Variants in MCF2L2 observed in about 807,000 individuals in gnomAD.
MCF2L2 encodes probable guanine nucleotide exchange factor MCF2L2.
MCF2L2 carries 102 observed loss-of-function variants against 150.2 expected under a neutral mutation model. That is an observed-to-expected ratio of 0.68 (90% CI 0.58 to 0.80). The LOEUF (loss-of-function observed/expected upper bound fraction) is 0.80, where lower values mean the gene tolerates loss of function less well. Among genes scored for constraint, MCF2L2 ranks in the 30% least tolerant of loss-of-function variants. The pLI is 0.00. For synonymous variants in MCF2L2, 465 were observed against 491.3 expected, an observed-to-expected ratio of 0.95 and a Z score of 0.71; for missense variants, 1,256 against 1,372.8, an observed-to-expected ratio of 0.91 and a Z score of 1.34.
At chr3:183,402,451 C>CAAAAA (rs779201489) in intron 1 of MCF2L2, among the ~76,000 whole-genome samples, 26 of 54,718 alleles carry the variant, frequency 4.8e-4, no homozygotes, top group Non-Finnish European at 8.1e-4. Context: ...GAGACTCCAT[C>CAAAAA]AAAAAAAAAA....
intron 22 of MCF2L2, among the ~76,000 whole-genome samples, chr3:183,209,238 G>A (rs899009209): frequency 2.0e-5 from 3 of 152,062 alleles, no homozygotes; most frequent in South Asian, 4.1e-4. Flanking sequence ...AATCAATATC[G>A]ACATAAATAG....
At chr3:183,387,750 T>C (rs1329239277) in intron 2 of MCF2L2, among the ~76,000 whole-genome samples, 4 of 151,852 alleles carry the variant, frequency 2.6e-5, no homozygotes, top group African/African-American at 4.8e-5. Flanking sequence ...CTGGCCAACA[T>C]GGTGAAAGCC....
intron 22 of MCF2L2, among the ~76,000 whole-genome samples, chr3:183,208,235 C>G (rs889310241): frequency 6.6e-6 from 1 of 152,200 alleles, no homozygotes; most frequent in African/African-American, 2.4e-5. Flanking sequence ...ATTTTGGCTG[C>G]ATTGCGGACC....
At chr3:183,265,584 C>G (rs1203741782) in intron 15 of MCF2L2, 2 of 152,266 alleles carry the variant, frequency 1.3e-5, no homozygotes, top group African/African-American at 4.8e-5. Context: ...TGTAATTGAT[C>G]AATTTAGATC....
At chr3:183,184,396 G>T (rs746923620) in intron 27 of MCF2L2, among the ~76,000 whole-genome samples, 27 of 152,192 alleles carry the variant, frequency 1.8e-4, no homozygotes, top group Admixed American at 7.2e-4. Flanking sequence ...AGATCTAGTG[G>T]TGTGTTGGAG....
chr3:183,409,355 C>T (rs1362662387), intron 1 of MCF2L2, among the ~76,000 whole-genome samples: 1 of 152,138 alleles, frequency 6.6e-6, no homozygotes. Context: ...GCCTCAAAGC[C>T]AGCCAGACCT....
At chr3:183,312,007 C>T (rs1024457584) in intron 7 of MCF2L2, among the ~76,000 whole-genome samples, 1 of 152,144 alleles carries the variant, frequency 6.6e-6, no homozygotes, top group Non-Finnish European at 1.5e-5. Context: ...TTTTCCTCTT[C>T]AAAATCAACA....
intron 11 of MCF2L2, chr3:183,298,726 C>T (rs1373896554): frequency 6.6e-6 from 1 of 150,918 alleles, no homozygotes; most frequent in Non-Finnish European, 1.5e-5. Context: ...CTTGCTTTCT[C>T]TCTCTCTCTG....
In MCF2L2 at chr3:183,261,292, C is replaced by G. The variant is rs1198174874; in HGVS notation, c.1862+15580G>C. Among the ~76,000 whole-genome samples, 4 of 152,058 alleles carry G rather than the reference C, an allele frequency of 2.6e-5. No individual in the cohort carries two copies. In the East Asian group the frequency reaches 7.7e-4, roughly 29 times the overall value. The stretch of plus-strand genomic sequence containing the variant: ...GGCAGTTTGGCTTCTGAAGATTGGT[C>G]CTAGCTATACTTAACAGGAAACAGA... On this transcript the variant is annotated intron_variant, in intron 15 of 29. Transcript: ENST00000328913.
chr3:183,180,589 A>G (rs1721486240), intron 27 of MCF2L2, among the ~76,000 whole-genome samples: 1 of 152,106 alleles, frequency 6.6e-6, no homozygotes, highest in African/African-American at 2.4e-5. Context: ...GCTCCCCATA[A>G]GGGAAAATCA....
chr3:183,185,973 G>A (rs1204530630), intron 27 of MCF2L2, among the ~76,000 whole-genome samples: 6 of 151,918 alleles, frequency 3.9e-5, no homozygotes, highest in Non-Finnish European at 7.4e-5. Context: ...TGAGCTGGCT[G>A]TCTTAGACTT....
chr3:183,376,821 T>C (rs1322015060), intron 3 of MCF2L2: 2 of 152,152 alleles, frequency 1.3e-5, no homozygotes, highest in Non-Finnish European at 2.9e-5. Context: ...TGTGACTAAA[T>C]TATGTGGGGA....
At chr3:183,193,431 A>G (rs1721974940) in intron 26 of MCF2L2, among the ~76,000 whole-genome samples, 1 of 150,136 alleles carries the variant, frequency 6.7e-6, no homozygotes, top group Non-Finnish European at 1.5e-5. Flanking sequence ...GCTCACTGCA[A>G]GCTCTGCCAC....
intron 14 of MCF2L2, among the ~76,000 whole-genome samples, chr3:183,288,442 T>C (rs989782853): frequency 2.0e-5 from 3 of 151,762 alleles, no homozygotes; most frequent in African/African-American, 7.3e-5. Context: ...CTTGTGTGTG[T>C]GCATGTGTGT....
In MCF2L2 at chr3:183,192,994, C is replaced by T; in HGVS notation, c.3016+5G>A. 6.2e-7 allele frequency: 1 copy of T among 1,612,698 alleles called. No individual in the cohort carries two copies. Among genetic ancestry groups the T allele is most frequent in the Non-Finnish European group, 8.5e-7 (1 of 1,178,808 alleles). On this transcript the variant is annotated splice_donor_5th_base_variant and intron_variant, in intron 27 of 29. Transcript: ENST00000328913. ...TGCTCCACTCTCCCATGGGACCCTCCCTACCTTTAATCCCTCCTGTGCTGG... is the reference window on the plus strand; with the variant it reads ...TGCTCCACTCTCCCATGGGACCCTCTCTACCTTTAATCCCTCCTGTGCTGG...
chr3:183,319,191 T>C (rs1380188879), intron 6 of MCF2L2, among the ~76,000 whole-genome samples: 1 of 152,260 alleles, frequency 6.6e-6, no homozygotes, highest in African/African-American at 2.4e-5. Context: ...ACAATGTGCA[T>C]AACGTCATCA....
At position 183,323,349 on chromosome 3, in the gene MCF2L2, G is replaced by T. The variant is rs747921429; in HGVS notation, c.489C>A (p.Ile163=). 18 of 1,590,508 alleles carry T rather than the reference G, an allele frequency of 1.1e-5. No homozygotes were observed. Among genetic ancestry groups the T allele is most frequent in the Non-Finnish European group, 1.5e-5 (17 of 1,159,260 alleles). The change falls in exon 6 of 30, where the codon ATC becomes ATA. Residue 163 remains isoleucine, a splice_region_variant and synonymous_variant. Coordinates refer to ENST00000328913, the MANE Select transcript of MCF2L2 (RefSeq NM_015078.4). ...GGTCAGAGACAGAGTTTACCATGAT[G>T]ATCTGTAAGGTAAAAATTTAATTAA... The part of the protein sequence containing the change: ...YRNEFKTKVP[I]IMVNSVSDLH...
intron 22 of MCF2L2, 135 bp downstream of exon 22, chr3:183,215,834 A>C (rs1722890707): frequency 9.6e-7 from 1 of 1,046,214 alleles, no homozygotes; most frequent in Non-Finnish European, 1.3e-6. Context: ...TTTACTGAGC[A>C]ATTTAGGCGA....
chr3:183,206,029 C>T (rs879120242), intron 24 of MCF2L2, 75 bp from the exon 25 acceptor site: 11 of 1,549,880 alleles, frequency 7.1e-6, no homozygotes, highest in Non-Finnish European at 8.0e-6. Context: ...TCCCAGTGAC[C>T]GTTAGACTAA....
Sources: gnomAD v4.1 joint callset for allele counts (sites outside exome capture counted in the v4.1 genomes callset) on GRCh38, gnomAD v4.1.1 for gene constraint, MANE v1.5 for transcripts, NCBI Gene and HGNC (gene_info 2026-07-23, HGNC 2026-07-21) for gene names.